MEGF11: variants seen among roughly 807,000 people sequenced by gnomAD.
The protein encoded by MEGF11 is multiple EGF like domains 11, also known as multiple epidermal growth factor-like domains protein 11.
A neutral mutation model predicts 146.6 loss-of-function variants in MEGF11; 126 were observed. The observed-to-expected ratio is 0.86, with a 90% confidence interval of 0.74 to 1.00. MEGF11 has a LOEUF of 1.00. Ranked by LOEUF, MEGF11 falls within the 50% of genes least tolerant of loss-of-function variation. MEGF11 has a pLI of 0.00. For missense variants in MEGF11, 1,509 were observed against 1,521.2 expected (o/e 0.99, Z 0.13); for synonymous variants, 532 against 583.4 (o/e 0.91, Z 1.27).
chr15:66,021,257 G>A (rs1421283776), intron 5 of MEGF11, among the ~76,000 whole-genome samples: 1 of 152,180 alleles, frequency 6.6e-6, no homozygotes, highest in Non-Finnish European at 1.5e-5. Flanking sequence ...GGAAGGTTGG[G>A]CTCAGGGTCA....
At chr15:66,186,034 G>A (rs1424295578) in intron 1 of MEGF11, among the ~76,000 whole-genome samples, 2 of 152,168 alleles carry the variant, frequency 1.3e-5, no homozygotes, top group South Asian at 2.1e-4. Flanking sequence ...GAGAGGTGGG[G>A]GCAGCCCCAG....
intron 5 of MEGF11, among the ~76,000 whole-genome samples, chr15:66,065,587 TG>T (rs1157472316): frequency 6.6e-6 from 1 of 152,118 alleles, no homozygotes; most frequent in Non-Finnish European, 1.5e-5. Flanking sequence ...CTTGGGCAGG[TG>T]GGGGTGGGTA....
chr15:66,123,359 A>G (rs1328959908), intron 3 of MEGF11, among the ~76,000 whole-genome samples: 1 of 152,228 alleles, frequency 6.6e-6, no homozygotes, highest in Non-Finnish European at 1.5e-5. Flanking sequence ...ATATGGGGCT[A>G]CATCTGCTCA....
At chr15:66,201,840 G>A (rs1010706061) in intron 1 of MEGF11, among the ~76,000 whole-genome samples, 78 of 150,264 alleles carry the variant, frequency 5.2e-4, no homozygotes, top group Middle Eastern at 3.4e-3. Flanking sequence ...CCAGCTACTC[G>A]GGAGGTTGAG....
intron 1 of MEGF11, among the ~76,000 whole-genome samples, chr15:66,187,890 A>G (rs2090754439): frequency 6.6e-6 from 1 of 152,242 alleles, no homozygotes; most frequent in Non-Finnish European, 1.5e-5. Context: ...TGGTTATGGA[A>G]GAGAATGCCC....
chr15:66,171,282 G>A (rs917046299), intron 1 of MEGF11, among the ~76,000 whole-genome samples: 11 of 152,168 alleles, frequency 7.2e-5, no homozygotes, highest in Non-Finnish European at 8.8e-5. Context: ...CCACGGGGGC[G>A]GTCAAAAAGA....
chr15:66,166,847 T>A (rs1190390356), intron 1 of MEGF11, among the ~76,000 whole-genome samples: 1 of 152,084 alleles, frequency 6.6e-6, no homozygotes, highest in Admixed American at 6.6e-5. Context: ...CAATCCTGGA[T>A]AAATAAATAT....
intron 4 of MEGF11, among the ~76,000 whole-genome samples, chr15:66,114,229 T>C (rs577845467): frequency 1.3e-5 from 2 of 152,318 alleles, no homozygotes; most frequent in Admixed American, 1.3e-4. Flanking sequence ...TCACTAAATG[T>C]TTCTGATCCT....
At chr15:66,150,827 A>T (rs1302363626) in intron 1 of MEGF11, among the ~76,000 whole-genome samples, 1 of 12,156 alleles carries the variant, frequency 8.2e-5, no homozygotes, top group African/African-American at 2.9e-4. Context: ...CCCTGTCGAG[A>T]GAGAGAGAGA....
chr15:65,942,841 C>T (rs990510615), intron 10 of MEGF11, among the ~76,000 whole-genome samples: 5 of 152,042 alleles, frequency 3.3e-5, no homozygotes, highest in African/African-American at 1.2e-4. Context: ...CCTGCAAATC[C>T]TGGGCCTCAG....
At chr15:66,087,254 T>C (rs536073961) in intron 5 of MEGF11, among the ~76,000 whole-genome samples, 1 of 152,274 alleles carries the variant, frequency 6.6e-6, no homozygotes, top group African/African-American at 2.4e-5. Context: ...CTGACAGCAC[T>C]AGACAGGTCA....
intron 15 of MEGF11, among the ~76,000 whole-genome samples, chr15:65,921,033 A>G (rs983416610): frequency 1.3e-5 from 2 of 152,146 alleles, no homozygotes; most frequent in African/African-American, 4.8e-5. Flanking sequence ...AGTAAATGAA[A>G]CTGTCACATA....
chr15:66,190,735 A>C (rs976667699), intron 1 of MEGF11, among the ~76,000 whole-genome samples: 14 of 151,826 alleles, frequency 9.2e-5, no homozygotes, highest in African/African-American at 3.4e-4. Flanking sequence ...TTCACCCCCC[A>C]CAGCACACTA....
chr15:65,994,775 C>A (rs80217911), intron 5 of MEGF11, among the ~76,000 whole-genome samples: 3 of 152,222 alleles, frequency 2.0e-5, no homozygotes, highest in Admixed American at 2.0e-4. Flanking sequence ...CTCTGCTGAT[C>A]GTCCAGCAGC....
chr15:66,112,091 A>T (rs2087455200), intron 4 of MEGF11, among the ~76,000 whole-genome samples: 1 of 151,514 alleles, frequency 6.6e-6, no homozygotes, highest in Non-Finnish European at 1.5e-5. Flanking sequence ...AAAAAAAAAA[A>T]GTACAACCTG....
chr15:66,186,028 G>A (rs1470018952), intron 1 of MEGF11, among the ~76,000 whole-genome samples: 5 of 152,090 alleles, frequency 3.3e-5, no homozygotes, highest in Non-Finnish European at 5.9e-5. Context: ...ACTGGGGAGA[G>A]GTGGGGGCAG....
At chr15:65,968,904 AT>A (rs1390411013) in intron 8 of MEGF11, among the ~76,000 whole-genome samples, 4 of 152,106 alleles carry the variant, frequency 2.6e-5, no homozygotes, top group African/African-American at 9.7e-5. Flanking sequence ...GCTCATGATG[AT>A]TTGGGGTGGG....
At chr15:66,098,386 C>T (rs1017958595) in intron 4 of MEGF11, among the ~76,000 whole-genome samples, 3 of 152,236 alleles carry the variant, frequency 2.0e-5, no homozygotes, top group African/African-American at 4.8e-5. Context: ...AGATGACCCA[C>T]AAGTCCCTGA....
intron 4 of MEGF11, among the ~76,000 whole-genome samples, chr15:66,116,142 G>A (rs922420520): frequency 3.3e-5 from 5 of 151,546 alleles, no homozygotes; most frequent in African/African-American, 9.7e-5. Context: ...CACCCCTGAC[G>A]GCGTCATTGC....
Sources: gnomAD v4.1 joint callset for allele counts (sites outside exome capture counted in the v4.1 genomes callset) on GRCh38, gnomAD v4.1.1 for gene constraint, MANE v1.5 for transcripts, NCBI Gene and HGNC (gene_info 2026-07-23, HGNC 2026-07-21) for gene names.